Variants in HAVCR2 observed in about 807,000 individuals in gnomAD.
The protein encoded by HAVCR2 is T cell immunoglobulin mucin 3.
In HAVCR2, 13 loss-of-function variants were observed where a neutral mutation model predicts 24.7. The ratio of observed to expected loss-of-function variants is 0.53; its 90% CI spans 0.34 to 0.84. The LOEUF (loss-of-function observed/expected upper bound fraction) is 0.84, where lower values mean the gene tolerates loss of function less well. HAVCR2 is among the 40% of genes least tolerant of loss of function. The probability of loss-of-function intolerance (pLI) is 0.01; values close to 1 mark genes in which losing one functional copy is unlikely to be tolerated. For missense variants in HAVCR2, 343 were observed against 371.2 expected (o/e 0.92, Z 0.62); for synonymous variants, 154 against 143.4 (o/e 1.07, Z -0.53).
At chr5:157,089,426 C>A (rs567996047) in intron 5 of HAVCR2, among the ~76,000 whole-genome samples, 1 of 152,072 alleles carries the variant, frequency 6.6e-6, no homozygotes, top group East Asian at 1.9e-4. Flanking sequence ...ATCCCAGCTA[C>A]TCGGGAGGCT....
At position 157,098,909 on chromosome 5, in the gene HAVCR2, A is replaced by AAGAGAGAGAGAG. The variant is rs70984443; in HGVS notation, c.479-20_479-9dup. ...CCAGTGTCTGTGTCTCTGCTATAAA[A>AAGAGAGAGAGAG]AGAGAGAGAGAGAGAGAGAGAGGAA... is the stretch of plus-strand genomic sequence containing the variant. On this transcript the variant is annotated splice_polypyrimidine_tract_variant and intron_variant, in intron 3 of 6. Transcript: ENST00000307851. 6.4e-7 allele frequency: 1 copy of AAGAGAGAGAGAG among 1,566,752 alleles called. No homozygotes were observed. Among genetic ancestry groups the AAGAGAGAGAGAG allele is most frequent in the African/African-American group, 1.4e-5 (1 of 73,106 alleles).
intron 2 of HAVCR2, among the ~76,000 whole-genome samples, chr5:157,105,224 C>A (rs1964377): frequency 0.83 from 126,382 of 151,612 alleles, 52,788 homozygotes; most frequent in East Asian, 0.99. Context: ...GCAACCACAC[C>A]TGGCTAATTT....
In HAVCR2 at chr5:157,095,463, T is replaced by C. The variant is rs1246542478; in HGVS notation, c.523-4A>G. 1.9e-6 allele frequency: 3 copies of C among 1,613,716 alleles called. No homozygotes were observed. In the East Asian group the frequency reaches 6.7e-5, roughly 36 times the overall value. ...CATTGGCCAATGTGGATATTTGCTA[T>C]GGAAACACAAACAGGATTTAAGCAG... On this transcript the variant is annotated splice_polypyrimidine_tract_variant and splice_region_variant and intron_variant, in intron 4 of 6. Transcript: ENST00000307851.
rs1344403135 is a variant in HAVCR2, at chr5:157,088,951, G to A, written c.703C>T (p.Gln235Ter). The A allele has an allele frequency of 2.5e-6, 4 of 1,608,768 alleles. No homozygotes were observed. The highest frequency in any genetic ancestry group is 3.4e-6 in the Non-Finnish European group (4 of 1,177,508). Residue 235 changes from glutamine to a stop codon, truncating the protein, a stop_gained, in exon 6 of 7, where the codon CAG (glutamine) becomes TAG (stop). Coordinates refer to ENST00000307851, the MANE Select transcript of HAVCR2 (RefSeq NM_032782.5). LOFTEE classifies it low-confidence loss of function (END_TRUNC). ...KWYSHSKEKI[Q>*]NLSLISLANL... ...TTCCATTATTCTTACCTTAAATTCT[G>A]TATCTTCTCTTTGCTATGAGAATAC...
intron 3 of HAVCR2, among the ~76,000 whole-genome samples, chr5:157,100,954 G>A (rs905784706): frequency 1.1e-4 from 17 of 151,852 alleles, no homozygotes; most frequent in African/African-American, 3.9e-4. Context: ...AAATTAGCCG[G>A]GCGTGGTGGT....
At chr5:157,100,390 C>T (rs1056021447) in intron 3 of HAVCR2, among the ~76,000 whole-genome samples, 24 of 152,216 alleles carry the variant, frequency 1.6e-4, no homozygotes, top group Non-Finnish European at 1.8e-4. Context: ...CGTTGCCCAG[C>T]CACCCACTCA....
At chr5:157,087,351 A>G (rs747492571) in intron 6 of HAVCR2, 57 bp from the exon 7 acceptor site, 77 of 1,449,620 alleles carry the variant, frequency 5.3e-5, no homozygotes, top group Non-Finnish European at 6.8e-5. Flanking sequence ...CACGGAATAG[A>G]GTTAAGAGAA....
At chr5:157,094,736 A>G (rs991957548) in intron 5 of HAVCR2, among the ~76,000 whole-genome samples, 6 of 152,126 alleles carry the variant, frequency 3.9e-5, no homozygotes, top group African/African-American at 1.4e-4. Context: ...GGGATAAGTA[A>G]CTTAGAAAAA....
chr5:157,090,229 A>G (rs545225735), intron 5 of HAVCR2, among the ~76,000 whole-genome samples: 18 of 143,092 alleles, frequency 1.3e-4, no homozygotes, highest in African/African-American at 4.0e-4. Flanking sequence ...TCCTGGGCTC[A>G]AGGGATCTAC....
At chr5:157,105,780 G>C (rs934954343) in intron 2 of HAVCR2, among the ~76,000 whole-genome samples, 1 of 152,128 alleles carries the variant, frequency 6.6e-6, no homozygotes, top group African/African-American at 2.4e-5. Context: ...GGCTGCACCT[G>C]GGGTAAAATC....
intron 5 of HAVCR2, among the ~76,000 whole-genome samples, chr5:157,093,558 T>C (rs1414616335): frequency 6.6e-6 from 1 of 152,106 alleles, no homozygotes; most frequent in African/African-American, 2.4e-5. Context: ...TCCCTGTTTG[T>C]GTATTAGTAA....
chr5:157,089,892 A>G (rs1268812478), intron 5 of HAVCR2, among the ~76,000 whole-genome samples: 1 of 152,100 alleles, frequency 6.6e-6, no homozygotes, highest in African/African-American at 2.4e-5. Context: ...ATTTTATTCT[A>G]AGACCTGTAG....
At position 157,096,229 on chromosome 5, in the gene HAVCR2, CA is replaced by C. The variant is rs386405404; in HGVS notation, c.523-771del. On this transcript the variant is annotated intron_variant, in intron 4 of 6. Transcript: ENST00000307851. Reference sequence around the variant, plus strand: ...TGGGCAACAGAGCGAGACTCCATCTCAAAAAAAAAAAAAAAAAAAAAATTCC... The same window carrying C: ...TGGGCAACAGAGCGAGACTCCATCTCAAAAAAAAAAAAAAAAAAAAATTCC... 7.9e-3 allele frequency among the ~76,000 whole-genome samples: 718 copies of C among 90,678 alleles called. 1 individual carries two copies. Among genetic ancestry groups the C allele is most frequent in the African/African-American group, 0.022 (495 of 22,114 alleles). The allele number at this position is 90,678 out of a possible 152,430, so 59.5% of individuals were successfully genotyped here.
At chr5:157,088,733 C>T (rs1265381225) in intron 6 of HAVCR2, among the ~76,000 whole-genome samples, 1 of 152,214 alleles carries the variant, frequency 6.6e-6, no homozygotes, top group Non-Finnish European at 1.5e-5. Flanking sequence ...TATACCTTAA[C>T]TTTAGAACTA....
chr5:157,096,476 T>C (rs1212742016), intron 4 of HAVCR2, among the ~76,000 whole-genome samples: 1 of 152,008 alleles, frequency 6.6e-6, no homozygotes, highest in Non-Finnish European at 1.5e-5. Context: ...TCTCTTTTTC[T>C]CTCTTTAAAA....
Position 157,092,913 on chromosome 5 carries a change from A to AAAAAAAAAAAAAT in HAVCR2, c.676+2392_676+2393insATTTTTTTTTTTT, listed in dbSNP as rs1561619880. Among the ~76,000 whole-genome samples the AAAAAAAAAAAAAT allele has an allele frequency of 7.1e-4, 87 of 123,012 alleles. 2 individuals carry two copies. Among genetic ancestry groups the AAAAAAAAAAAAAT allele is most frequent in the African/African-American group, 2.6e-3 (85 of 32,268 alleles). The allele number at this position is 123,012 out of a possible 152,430, so 80.7% of individuals were successfully genotyped here. A position where few individuals can be genotyped will look rare whatever the true frequency, so the allele number is the denominator to read the frequency against. On this transcript the variant is annotated intron_variant, in intron 5 of 6. Transcript: ENST00000307851. Reference sequence around the variant, plus strand: ...AAAAAAAAAAAAAAAAAAAAAAAAAAAAAAACTAGCCAGGTGTGGTGGCAT... The same window carrying AAAAAAAAAAAAAT: ...AAAAAAAAAAAAAAAAAAAAAAAAAAAAAAAAAAAAAATAAAAACTAGCCAGGTGTGGTGGCAT...
chr5:157,089,517 C>A (rs538718241), intron 5 of HAVCR2, among the ~76,000 whole-genome samples: 2 of 145,872 alleles, frequency 1.4e-5, no homozygotes, highest in East Asian at 2.0e-4. Context: ...GCCTGGGCAA[C>A]GAGAGCGAAA....
chr5:157,095,815 C>T (rs183256369), intron 4 of HAVCR2, among the ~76,000 whole-genome samples: 43 of 151,960 alleles, frequency 2.8e-4, no homozygotes, highest in Admixed American at 2.6e-3. Context: ...CCCTAAGATT[C>T]CCCAGAGAGT....
chr5:157,088,323 G>A (rs1305811892), intron 6 of HAVCR2, among the ~76,000 whole-genome samples: 2 of 152,184 alleles, frequency 1.3e-5, no homozygotes, highest in Admixed American at 1.3e-4. Context: ...TGGATGTGTG[G>A]GTGTGTATAA....
Sources: gnomAD v4.1 joint callset for allele counts (sites outside exome capture counted in the v4.1 genomes callset) on GRCh38, gnomAD v4.1.1 for gene constraint, MANE v1.5 for transcripts, NCBI Gene and HGNC (gene_info 2026-07-23, HGNC 2026-07-21) for gene names.